GSE1: variants seen among roughly 807,000 people sequenced by gnomAD.
The protein encoded by GSE1 is Gse1 coiled-coil protein.
A neutral mutation model predicts 112.6 loss-of-function variants in GSE1; 32 were observed. That is an observed-to-expected ratio of 0.28 (90% confidence interval 0.21 to 0.38). The LOEUF is 0.38. GSE1 is among the 10% of genes least tolerant of loss of function. The probability of loss-of-function intolerance (pLI) is 1.00; values close to 1 mark genes in which losing one functional copy is unlikely to be tolerated. For missense variants in GSE1, 2,348 were observed against 1,699.2 expected (o/e 1.38, Z -6.71); for synonymous variants, 1,115 against 735.6 (o/e 1.52, Z -8.35).
intron 2 of GSE1, among the ~76,000 whole-genome samples, chr16:85,470,437 C>G (rs1452353145): frequency 1.3e-5 from 2 of 151,636 alleles, no homozygotes; most frequent in Non-Finnish European, 2.9e-5. Context: ...ATCCGTGTCT[C>G]TTTCCCGAGT....
At chr16:85,381,046 G>A (rs938264136) in intron 2 of GSE1, among the ~76,000 whole-genome samples, 3 of 152,232 alleles carry the variant, frequency 2.0e-5, no homozygotes, top group African/African-American at 7.2e-5. Context: ...TCCGTCCAGT[G>A]CAAAAACATT....
intron 2 of GSE1, among the ~76,000 whole-genome samples, chr16:85,464,278 TAAAAC>T (rs781003129): frequency 7.1e-4 from 108 of 151,798 alleles, no homozygotes; most frequent in Non-Finnish European, 1.3e-3. Context: ...AGAAAGAGCT[TAAAAC>T]AAATCCCTGT....
chr16:85,527,651 C>T (rs1049129460), intron 2 of GSE1, among the ~76,000 whole-genome samples: 2 of 152,356 alleles, frequency 1.3e-5, no homozygotes, highest in African/African-American at 4.8e-5. Flanking sequence ...CGGTGGGAAG[C>T]GGGGCCGGCA....
At chr16:85,641,759 G>C (rs2050469162) in intron 2 of GSE1, among the ~76,000 whole-genome samples, 1 of 152,246 alleles carries the variant, frequency 6.6e-6, no homozygotes, top group African/African-American at 2.4e-5. Flanking sequence ...CGTTCCACTG[G>C]GCAGATTTCA....
intron 1 of GSE1, among the ~76,000 whole-genome samples, chr16:85,556,749 G>GCC (rs71153803): frequency 1.5e-4 from 13 of 84,294 alleles, no homozygotes; most frequent in African/African-American, 3.1e-4. Context: ...CGGGTAGCAT[G>GCC]CCCCCCCCCC....
chr16:85,590,835 C>T (rs950022997), intron 1 of GSE1, among the ~76,000 whole-genome samples: 1 of 152,204 alleles, frequency 6.6e-6, no homozygotes, highest in Non-Finnish European at 1.5e-5. Context: ...CCTCTTGGGA[C>T]CCCTCTTTTC....
chr16:85,538,027 G>A (rs1598106156), intron 2 of GSE1, among the ~76,000 whole-genome samples: 3 of 152,186 alleles, frequency 2.0e-5, no homozygotes, highest in Admixed American at 6.5e-5. Flanking sequence ...CCTTGGGCCC[G>A]GACCCCTCCC....
intron 1 of GSE1, among the ~76,000 whole-genome samples, chr16:85,241,658 A>G (rs1482950549): frequency 6.6e-6 from 1 of 152,140 alleles, no homozygotes; most frequent in Non-Finnish European, 1.5e-5. Flanking sequence ...CCGAACAGGG[A>G]TTCAAACTCA....
intron 1 of GSE1, among the ~76,000 whole-genome samples, chr16:85,333,126 G>T (rs553081341): frequency 6.6e-6 from 1 of 152,114 alleles, no homozygotes; most frequent in South Asian, 2.1e-4. Flanking sequence ...CTGGGAGGTG[G>T]ACACTGAGCT....
At chr16:85,616,959 C>CG (rs1421027692) in intron 1 of GSE1, among the ~76,000 whole-genome samples, 3 of 152,202 alleles carry the variant, frequency 2.0e-5, no homozygotes, top group Non-Finnish European at 4.4e-5. Flanking sequence ...AACGCACACT[C>CG]GGGGGCCTTT....
intron 1 of GSE1, among the ~76,000 whole-genome samples, chr16:85,335,240 G>A (rs1037386477): frequency 2.6e-5 from 4 of 152,246 alleles, no homozygotes; most frequent in Non-Finnish European, 4.4e-5. Flanking sequence ...TCTGAGCCCG[G>A]GGGTGAGCGG....
At chr16:85,268,066 G>A (rs190638803) in intron 1 of GSE1, among the ~76,000 whole-genome samples, 77 of 152,282 alleles carry the variant, frequency 5.1e-4, no homozygotes, top group Middle Eastern at 3.4e-3. Context: ...GTCACGGTTG[G>A]TAAGGAGGTG....
chr16:85,509,671 C>A (rs1159087288), intron 2 of GSE1, among the ~76,000 whole-genome samples: 1 of 152,236 alleles, frequency 6.6e-6, no homozygotes, highest in African/African-American at 2.4e-5. Context: ...GCGTGGGGAA[C>A]AAGAGCCGAA....
In GSE1 at chr16:85,312,204, C is replaced by CGGGG. The variant is rs35882426; in HGVS notation, c.2284-45249_2284-45246dup. 9.3e-3 allele frequency among the ~76,000 whole-genome samples: 517 copies of CGGGG among 55,466 alleles called. 54 individuals carry two copies. The highest frequency in any genetic ancestry group is 0.016 in the African/African-American group (129 of 8,042). The allele number at this position is 55,466 out of a possible 152,430, so 36.4% of individuals were successfully genotyped here. A position where few individuals can be genotyped will look rare whatever the true frequency, so the allele number is the denominator to read the frequency against. On this transcript the variant is annotated intron_variant, in intron 1 of 2. Coordinates refer to the GSE1 transcript ENST00000637419. ...CTCTGTGGTCTCTCTGATCCTCTTGCGGGGGGGGGGGGGACACACTTACCC... is the reference window on the plus strand; with the variant it reads ...CTCTGTGGTCTCTCTGATCCTCTTGCGGGGGGGGGGGGGGGGGACACACTTACCC...
rs115644661 is a variant in GSE1, at chr16:85,471,335, A to G, written c.2464+113692A>G. ...TCCAACCTCATTTAGTCACAGTTTAAGATGAAGATAGTAAATGTTGGTTGC... is the reference window on the plus strand; with the variant it reads ...TCCAACCTCATTTAGTCACAGTTTAGGATGAAGATAGTAAATGTTGGTTGC... On this transcript the variant is annotated intron_variant, in intron 2 of 2. Coordinates refer to the GSE1 transcript ENST00000637419. 8.8e-3 allele frequency among the ~76,000 whole-genome samples: 1,346 copies of G among 152,360 alleles called. 23 individuals are homozygous for G. The highest frequency in any genetic ancestry group is 0.031 in the African/African-American group (1,285 of 41,574).
At chr16:85,288,133 G>A (rs2045096558) in intron 1 of GSE1, among the ~76,000 whole-genome samples, 1 of 152,200 alleles carries the variant, frequency 6.6e-6, no homozygotes, top group East Asian at 1.9e-4. Flanking sequence ...CCAGCTACTC[G>A]GGAGGCTGAG....
chr16:85,662,917 C>G, intron 9 of GSE1, 64 bp from the exon 10 acceptor site: 1 of 1,145,564 alleles, frequency 8.7e-7, no homozygotes, highest in South Asian at 1.2e-5. Flanking sequence ...TGAGGCCCTG[C>G]GGGCATGTCC....
chr16:85,200,389 G>C (rs1023821783), intron 1 of GSE1, among the ~76,000 whole-genome samples: 1 of 151,842 alleles, frequency 6.6e-6, no homozygotes, highest in South Asian at 2.1e-4. Context: ...CTTGGGTCTC[G>C]GTGGCTGCAA....
At chr16:85,420,315 C>A (rs765365369) in intron 2 of GSE1, among the ~76,000 whole-genome samples, 1 of 152,106 alleles carries the variant, frequency 6.6e-6, no homozygotes, top group Non-Finnish European at 1.5e-5. Context: ...CCTGCGGACA[C>A]CTTGATTTCC....
Sources: gnomAD v4.1 joint callset for allele counts (sites outside exome capture counted in the v4.1 genomes callset) on GRCh38, gnomAD v4.1.1 for gene constraint, MANE v1.5 for transcripts, NCBI Gene and HGNC (gene_info 2026-07-23, HGNC 2026-07-21) for gene names.